Variants in ARHGAP10 observed in about 807,000 individuals in gnomAD.
The protein encoded by ARHGAP10 is rho GTPase-activating protein 10.
In ARHGAP10, 87 loss-of-function variants were observed where a neutral mutation model predicts 108.6. The ratio of observed to expected loss-of-function variants is 0.80; its 90% confidence interval spans 0.67 to 0.96. ARHGAP10 has a LOEUF of 0.96. Ranked by LOEUF, ARHGAP10 falls within the 40% of genes least tolerant of loss-of-function variation. ARHGAP10 has a pLI of 0.00. For missense variants in ARHGAP10, 939 were observed against 954.5 expected (o/e 0.98, Z 0.21); for synonymous variants, 347 against 341.1 (o/e 1.02, Z -0.19).
At chr4:147,891,083 C>T (rs561340017) in intron 10 of ARHGAP10, among the ~76,000 whole-genome samples, 22 of 152,250 alleles carry the variant, frequency 1.4e-4, no homozygotes, top group Middle Eastern at 3.4e-3. Context: ...CTTCAGAAAA[C>T]GAAACATAAC....
At chr4:147,912,103 G>C (rs1284072814) in intron 12 of ARHGAP10, among the ~76,000 whole-genome samples, 1 of 150,860 alleles carries the variant, frequency 6.6e-6, no homozygotes, top group Non-Finnish European at 1.5e-5. Flanking sequence ...ACTGTGTCTA[G>C]ATAGCTTCCC....
At chr4:148,060,730 T>C (rs1729582095) in intron 20 of ARHGAP10, among the ~76,000 whole-genome samples, 1 of 152,144 alleles carries the variant, frequency 6.6e-6, no homozygotes, top group Non-Finnish European at 1.5e-5. Context: ...TCAAAGGAGT[T>C]ACCTAGTAGA....
rs776184630 is a variant in ARHGAP10, at chr4:147,832,646, CAAAA to C, written c.312+9704_312+9707del. On this transcript the variant is annotated intron_variant, in intron 3 of 22. Transcript: ENST00000336498. ...TGGGTAACAGAGCAAGACTCTGTCTCAAAAAAAAAAAAAAAAAAGGAAATTGGAG... is the reference window on the plus strand; with the variant it reads ...TGGGTAACAGAGCAAGACTCTGTCTCAAAAAAAAAAAAAAGGAAATTGGAG... Among the ~76,000 whole-genome samples the C allele has an allele frequency of 4.9e-4, 31 of 63,518 alleles. No individual in the cohort carries two copies. In the Admixed American group the frequency reaches 5.7e-3, roughly 12 times the overall value. 41.7% of individuals were successfully genotyped at this position (63,518 alleles called of 152,430 possible).
chr4:147,755,843 CTGTT>C (rs963365456), intron 1 of ARHGAP10, among the ~76,000 whole-genome samples: 6 of 151,980 alleles, frequency 3.9e-5, no homozygotes, highest in African/African-American at 1.4e-4. Flanking sequence ...GCCTCTGTGG[CTGTT>C]TGCTGTGTAT....
Position 147,857,624 on chromosome 4 carries a change from A to C in ARHGAP10, c.456A>C (p.Ser152=). 1 of 1,497,792 alleles carries C rather than the reference A, an allele frequency of 6.7e-7. No individual in the cohort carries two copies. Among genetic ancestry groups the C allele is most frequent in the South Asian group, 1.4e-5 (1 of 73,128 alleles). 92.8% of individuals were successfully genotyped at this position (1,497,792 alleles called of 1,614,324 possible). A position where few individuals can be genotyped will look rare whatever the true frequency, so the allele number is the denominator to read the frequency against. The change falls in exon 5 of 23, where the codon TCA becomes TCC. Residue 152 remains serine, a synonymous_variant. Transcript: ENST00000336498. The stretch of plus-strand genomic sequence containing the variant: ...TAATTGATAAACATTTGAATTTATC[A>C]GCAAAAAAGAAAGACTCACATTTAC... The part of the protein sequence containing the change: ...YSLIDKHLNL[S]AKKKDSHLQE...
At chr4:148,020,091 T>C (rs1267235922) in intron 18 of ARHGAP10, among the ~76,000 whole-genome samples, 3 of 152,224 alleles carry the variant, frequency 2.0e-5, no homozygotes, top group Non-Finnish European at 2.9e-5. Context: ...ATGTCAGCGC[T>C]CAAAAGTTTC....
chr4:147,790,700 G>T (rs1731083074), intron 1 of ARHGAP10, among the ~76,000 whole-genome samples: 2 of 152,124 alleles, frequency 1.3e-5, no homozygotes, highest in African/African-American at 4.8e-5. Context: ...AAAGTTATAT[G>T]CTGTTATTTT....
chr4:148,064,351 G>A, intron 21 of ARHGAP10, 65 bp from the exon 22 acceptor site: 2 of 1,464,882 alleles, frequency 1.4e-6, no homozygotes, highest in South Asian at 1.2e-5. Flanking sequence ...GGGGGGTTGG[G>A]GGGTGAAGTT....
chr4:147,923,415 CA>C (rs1254809404), intron 13 of ARHGAP10, among the ~76,000 whole-genome samples: 1 of 152,182 alleles, frequency 6.6e-6, no homozygotes, highest in Non-Finnish European at 1.5e-5. Flanking sequence ...TGCTTAAAAA[CA>C]TCTTTTAGTT....
Position 147,740,801 on chromosome 4 carries a change from A to T in ARHGAP10, c.154+8346A>T, listed in dbSNP as rs560186806. 7.9e-5 allele frequency among the ~76,000 whole-genome samples: 12 copies of T among 152,354 alleles called. No homozygotes were observed. In the East Asian group the frequency reaches 2.3e-3, roughly 29 times the overall value. ...GAAAAGTTTGAGATACTTTAGAAAT[A>T]TAAAAAGATAGTCTCACAATAAACA... On this transcript the variant is annotated intron_variant, in intron 1 of 22. Coordinates refer to ENST00000336498, the MANE Select transcript of ARHGAP10 (RefSeq NM_024605.4).
At chr4:148,007,194 C>CT (rs2149650760) in intron 18 of ARHGAP10, among the ~76,000 whole-genome samples, 1 of 152,152 alleles carries the variant, frequency 6.6e-6, no homozygotes, top group Admixed American at 6.5e-5. Context: ...GTTTATTAAC[C>CT]TTTTTTGTGT....
At chr4:147,891,243 A>G (rs191138848) in intron 10 of ARHGAP10, among the ~76,000 whole-genome samples, 1 of 152,244 alleles carries the variant, frequency 6.6e-6, no homozygotes, top group Non-Finnish European at 1.5e-5. Flanking sequence ...CTGTTAAGAG[A>G]TGAATGGATA....
At chr4:148,026,965 A>G (rs1727891079) in intron 19 of ARHGAP10, among the ~76,000 whole-genome samples, 2 of 152,170 alleles carry the variant, frequency 1.3e-5, no homozygotes, top group South Asian at 2.1e-4. Flanking sequence ...CCCCACTCCA[A>G]GTGCATGTCC....
At chr4:147,758,915 G>T (rs1329205326) in intron 1 of ARHGAP10, among the ~76,000 whole-genome samples, 1 of 149,348 alleles carries the variant, frequency 6.7e-6, no homozygotes, top group Non-Finnish European at 1.5e-5. Context: ...GGAGGAGGAG[G>T]TTGCGGTGAG....
intron 3 of ARHGAP10, among the ~76,000 whole-genome samples, chr4:147,829,266 T>G (rs995280324): frequency 4.0e-5 from 6 of 151,844 alleles, no homozygotes; most frequent in African/African-American, 7.3e-5. Flanking sequence ...GGTAGCCAGG[T>G]TGGTCTCGAT....
chr4:147,977,543 T>C (rs960098399), intron 18 of ARHGAP10, among the ~76,000 whole-genome samples: 6 of 152,204 alleles, frequency 3.9e-5, no homozygotes, highest in Admixed American at 1.3e-4. Context: ...GCTGGGCTCC[T>C]TATATGACAT....
rs997484903 is a variant in ARHGAP10, at chr4:147,966,921, TTC to T, written c.1716+92_1716+93del. 70 of 1,227,780 alleles carry T rather than the reference TTC, an allele frequency of 5.7e-5. No homozygotes were observed. The African/African-American group carries it at 6.5e-4, about 11-fold the overall frequency. 76.1% of individuals were successfully genotyped at this position (1,227,780 alleles called of 1,614,324 possible). A position where few individuals can be genotyped will look rare whatever the true frequency, so the allele number is the denominator to read the frequency against. ...ACAACGATCCTCTTAGATTTCCCTT[TTC>T]TCTCTCTCTGTTTAAAAAAATTCTT... On this transcript the variant is annotated intron_variant, in intron 18 of 22. Coordinates refer to ENST00000336498, the MANE Select transcript of ARHGAP10 (RefSeq NM_024605.4).
intron 3 of ARHGAP10, among the ~76,000 whole-genome samples, chr4:147,833,493 G>A (rs192482375): frequency 5.2e-4 from 79 of 152,258 alleles, no homozygotes; most frequent in African/African-American, 1.7e-3. Flanking sequence ...CCAGTCTCAA[G>A]CAGTAACTTC....
chr4:147,740,926 G>T (rs982100577), intron 1 of ARHGAP10, among the ~76,000 whole-genome samples: 1 of 151,904 alleles, frequency 6.6e-6, no homozygotes, highest in Non-Finnish European at 1.5e-5. Flanking sequence ...GGTGTTTATT[G>T]TTCCTAGGCA....
Sources: gnomAD v4.1 joint callset for allele counts (sites outside exome capture counted in the v4.1 genomes callset) on GRCh38, gnomAD v4.1.1 for gene constraint, MANE v1.5 for transcripts, NCBI Gene and HGNC (gene_info 2026-07-23, HGNC 2026-07-21) for gene names.